Variants in CERS6 observed in about 807,000 individuals in gnomAD.
The protein encoded by CERS6 is LAG1 homolog, ceramide synthase 6.
A neutral mutation model predicts 56.8 loss-of-function variants in CERS6; 26 were observed. The ratio of observed to expected loss-of-function variants is 0.46; its 90% confidence interval spans 0.34 to 0.63. CERS6 has a LOEUF of 0.63. Ranked by LOEUF, CERS6 falls within the 30% of genes least tolerant of loss-of-function variation. The probability of loss-of-function intolerance (pLI) is 0.01; values close to 1 mark genes in which losing one functional copy is unlikely to be tolerated. For synonymous variants in CERS6, 164 were observed against 173.3 expected (o/e 0.95, Z 0.42); for missense variants, 415 against 467.5 (o/e 0.89, Z 1.04).
At chr2:168,464,709 A>AC (rs1693839790) in intron 1 of CERS6, among the ~76,000 whole-genome samples, 1 of 151,984 alleles carries the variant, frequency 6.6e-6, no homozygotes, top group African/African-American at 2.4e-5. Flanking sequence ...AAAAAAAAAA[A>AC]AAACTACTCT....
intron 3 of CERS6, among the ~76,000 whole-genome samples, chr2:168,567,554 A>G (rs781569008): frequency 3.3e-5 from 5 of 152,240 alleles, no homozygotes; most frequent in African/African-American, 7.2e-5. Flanking sequence ...TAAAAAATAC[A>G]TTACAAAAAA....
chr2:168,513,752 T>G (rs1473532840), intron 1 of CERS6, among the ~76,000 whole-genome samples: 2 of 152,214 alleles, frequency 1.3e-5, no homozygotes, highest in African/African-American at 2.4e-5. Flanking sequence ...CAGCTGACAC[T>G]TAAGGAATGG....
intron 3 of CERS6, among the ~76,000 whole-genome samples, chr2:168,579,273 G>C (rs1341788249): frequency 6.6e-6 from 1 of 151,724 alleles, no homozygotes; most frequent in Non-Finnish European, 1.5e-5. Flanking sequence ...CCGTGGAGTT[G>C]GGGGGGCACT....
intron 1 of CERS6, among the ~76,000 whole-genome samples, chr2:168,544,421 A>C (rs13031884): frequency 6.6e-6 from 1 of 151,962 alleles, no homozygotes; most frequent in Admixed American, 6.6e-5. Flanking sequence ...TTGAGGGAGG[A>C]TTAAATGAGA....
At chr2:168,697,815 G>T (rs1189221847) in intron 6 of CERS6, among the ~76,000 whole-genome samples, 1 of 152,152 alleles carries the variant, frequency 6.6e-6, no homozygotes, top group Non-Finnish European at 1.5e-5. Flanking sequence ...AGAGTCAAAA[G>T]CAGGAATAGC....
chr2:168,731,954 A>G (rs550758092), intron 8 of CERS6, among the ~76,000 whole-genome samples: 1 of 152,368 alleles, frequency 6.6e-6, no homozygotes, highest in Non-Finnish European at 1.5e-5. Flanking sequence ...AAAAATGATC[A>G]GAACCCTTTC....
chr2:168,498,121 A>G (rs1234438381), intron 1 of CERS6, among the ~76,000 whole-genome samples: 6 of 152,144 alleles, frequency 3.9e-5, no homozygotes, highest in African/African-American at 1.4e-4. Flanking sequence ...AGTTTTGTAA[A>G]CACCACAATC....
chr2:168,594,404 G>A (rs1290781573), intron 3 of CERS6, among the ~76,000 whole-genome samples: 1 of 152,112 alleles, frequency 6.6e-6, no homozygotes, highest in Non-Finnish European at 1.5e-5. Context: ...GTGCAACATA[G>A]GGAGACTCCT....
intron 3 of CERS6, among the ~76,000 whole-genome samples, chr2:168,624,047 G>C (rs550854284): frequency 6.6e-6 from 1 of 152,284 alleles, no homozygotes; most frequent in Admixed American, 6.5e-5. Context: ...AGATGCCTCT[G>C]ATTTATGTGG....
At chr2:168,664,519 C>T (rs1424268205) in intron 4 of CERS6, among the ~76,000 whole-genome samples, 2 of 152,180 alleles carry the variant, frequency 1.3e-5, no homozygotes, top group African/African-American at 4.8e-5. Context: ...ATGGCTACTC[C>T]ATAGACAGAG....
intron 4 of CERS6, 127 bp downstream of exon 4, chr2:168,631,169 G>A: frequency 2.0e-6 from 1 of 498,384 alleles, no homozygotes; most frequent in South Asian, 4.0e-5. Context: ...AGAATTATTT[G>A]TGCATTTTCA....
chr2:168,755,225 G>C (rs1169684642), intron 8 of CERS6, among the ~76,000 whole-genome samples: 2 of 152,208 alleles, frequency 1.3e-5, no homozygotes, highest in South Asian at 2.1e-4. Flanking sequence ...AGTTGATATT[G>C]TATCTGATCT....
chr2:168,500,641 A>C (rs1049117745), intron 1 of CERS6, among the ~76,000 whole-genome samples: 7 of 152,212 alleles, frequency 4.6e-5, no homozygotes, highest in African/African-American at 1.7e-4. Flanking sequence ...AAAGGAAGAA[A>C]GGGAAACAAA....
intron 2 of CERS6, among the ~76,000 whole-genome samples, chr2:168,556,991 CAAAAAAAAAAAAAA>C (rs71003046): frequency 2.2e-4 from 18 of 82,302 alleles, no homozygotes; most frequent in African/African-American, 4.4e-4. Flanking sequence ...CTTGTCTCTA[CAAAAAAAAAAAAAA>C]AAAAAAAAAA....
At chr2:168,591,943 G>A (rs575580544) in intron 3 of CERS6, among the ~76,000 whole-genome samples, 18 of 152,136 alleles carry the variant, frequency 1.2e-4, no homozygotes, top group Non-Finnish European at 2.2e-4. Context: ...AGATCAGAGC[G>A]GGGAATAGCA....
chr2:168,495,957 C>T (rs1558971692), intron 1 of CERS6, among the ~76,000 whole-genome samples: 1 of 152,220 alleles, frequency 6.6e-6, no homozygotes, highest in African/African-American at 2.4e-5. Context: ...AGGTGATCTC[C>T]CTGGGGATAA....
chr2:168,526,806 T>C (rs1310859510), intron 1 of CERS6, among the ~76,000 whole-genome samples: 2 of 152,122 alleles, frequency 1.3e-5, no homozygotes, highest in African/African-American at 2.4e-5. Context: ...AGGGAGAAAA[T>C]AAATGTCCTG....
intron 3 of CERS6, among the ~76,000 whole-genome samples, chr2:168,567,291 T>G (rs1399660298): frequency 6.6e-6 from 1 of 152,270 alleles, no homozygotes; most frequent in South Asian, 2.1e-4. Context: ...GACTATTACC[T>G]TAAACAGTTT....
chr2:168,543,236 G>A (rs1443883490), intron 1 of CERS6, among the ~76,000 whole-genome samples: 2 of 152,080 alleles, frequency 1.3e-5, no homozygotes, highest in Non-Finnish European at 2.9e-5. Flanking sequence ...ATAGATGTTT[G>A]ATCTTTTGAA....
Sources: gnomAD v4.1 joint callset for allele counts (sites outside exome capture counted in the v4.1 genomes callset) on GRCh38, gnomAD v4.1.1 for gene constraint, MANE v1.5 for transcripts, NCBI Gene and HGNC (gene_info 2026-07-23, HGNC 2026-07-21) for gene names.